RAB3IL1: variants seen among roughly 807,000 people sequenced by gnomAD.
RAB3IL1 encodes the protein RAB3A interacting protein like 1.
Under a neutral mutation model 49.2 loss-of-function variants are expected in RAB3IL1, and 37 were observed. That is an observed-to-expected ratio of 0.75 (90% CI 0.58 to 0.99). RAB3IL1 has a LOEUF of 0.99. RAB3IL1 is among the 50% of genes least tolerant of loss of function. RAB3IL1 has a pLI of 0.00. For missense variants in RAB3IL1, 484 were observed against 513.0 expected (o/e 0.94, Z 0.55); for synonymous variants, 193 against 213.9 (o/e 0.90, Z 0.85).
At chr11:61,923,500 A>G (rs1939948923), upstream of RAB3IL1, among the ~76,000 whole-genome samples, 2 of 152,318 alleles carry the variant, frequency 1.3e-5, no homozygotes, top group East Asian at 3.9e-4. Context: ...GGCTCAAGGC[A>G]GCCACGCACA....
the RAB3IL1 span, among the ~76,000 whole-genome samples, chr11:61,944,220 CTCCTTCCTTCCT>C: frequency 3.0e-4 from 11 of 36,996 alleles, no homozygotes; most frequent in Non-Finnish European, 8.2e-4. Flanking sequence ...CCTTCCTTCC[CTCCTTCCTTCCT>C]TCCTTCCTTC....
rs1938721188 is a variant in RAB3IL1, at chr11:61,898,391, G to A, written c.1067-31C>T. 1.3e-6 allele frequency: 2 copies of A among 1,599,414 alleles called. No homozygotes were observed. The highest frequency in any genetic ancestry group is 1.7e-6 in the Non-Finnish European group (2 of 1,168,580). On this transcript the variant is annotated intron_variant, in intron 9 of 9. Transcript: ENST00000394836. This position sits in a 1 kb window ranked among gnomAD's most constrained non-coding sequence, Gnocchi z 5.1. ...GGCAGAGAGAGGGTGAACAGGTCGGGGACAGCTCAGGGTCACCTCGGGCAG... is the reference window on the plus strand; with the variant it reads ...GGCAGAGAGAGGGTGAACAGGTCGGAGACAGCTCAGGGTCACCTCGGGCAG...
the RAB3IL1 span, among the ~76,000 whole-genome samples, chr11:61,931,203 G>A: frequency 6.6e-6 from 1 of 152,198 alleles, no homozygotes; most frequent in Admixed American, 6.5e-5. Flanking sequence ...GCATAACACT[G>A]GAGATTTATT....
chr11:61,916,482 A>C (rs1939694055), intron 1 of RAB3IL1, among the ~76,000 whole-genome samples: 1 of 134,184 alleles, frequency 7.5e-6, no homozygotes, highest in Non-Finnish European at 1.6e-5. Context: ...CCATGGAGTG[A>C]AGTGGATCCT....
At chr11:61,899,553 C>G in intron 8 of RAB3IL1, 173 bp from the exon 9 acceptor site, 1 of 603,258 alleles carries the variant, frequency 1.7e-6, no homozygotes, top group Non-Finnish European at 3.0e-6. Context: ...ATGACTAGCC[C>G]TGCTGTAATA....
chr11:61,930,959 G>A, the RAB3IL1 span, among the ~76,000 whole-genome samples: 1 of 152,088 alleles, frequency 6.6e-6, no homozygotes, highest in Non-Finnish European at 1.5e-5. Context: ...AATAATTAAA[G>A]CTACAGGGGA....
At chr11:61,920,456 G>A (rs910329533), upstream of RAB3IL1, among the ~76,000 whole-genome samples, 5 of 142,508 alleles carry the variant, frequency 3.5e-5, no homozygotes, top group African/African-American at 1.0e-4. Flanking sequence ...CACCTCTAGG[G>A]GAGGCCCCGT....
At chr11:61,900,902 T>G (rs1382783926) in intron 8 of RAB3IL1, among the ~76,000 whole-genome samples, 1 of 151,970 alleles carries the variant, frequency 6.6e-6, no homozygotes, top group Non-Finnish European at 1.5e-5. Flanking sequence ...AAAGCGGTGA[T>G]GGAGATAAGT....
upstream of RAB3IL1, chr11:61,920,019 A>G (rs1939857729): frequency 3.2e-6 from 4 of 1,240,794 alleles, no homozygotes; most frequent in Non-Finnish European, 4.0e-6. Flanking sequence ...CCTCCCCTCC[A>G]TGCCCCAGGT....
At chr11:61,937,750 A>T in the RAB3IL1 span, 1 of 152,244 alleles carries the variant, frequency 6.6e-6, no homozygotes, top group African/African-American at 2.4e-5. Flanking sequence ...GGAACAAAAA[A>T]ACAAAAATAT....
chr11:61,936,488 G>A, the RAB3IL1 span, among the ~76,000 whole-genome samples: 3 of 152,094 alleles, frequency 2.0e-5, no homozygotes, highest in Non-Finnish European at 4.4e-5. Context: ...TGTAACATCT[G>A]CCTCCTCCGT....
At chr11:61,940,381 C>T in the RAB3IL1 span, among the ~76,000 whole-genome samples, 1 of 150,972 alleles carries the variant, frequency 6.6e-6, no homozygotes, top group Admixed American at 6.6e-5. Context: ...GTGGAGGTTG[C>T]GGTGAGCCGA....
At chr11:61,916,854 C>G (rs1939713005) in intron 1 of RAB3IL1, among the ~76,000 whole-genome samples, 1 of 152,034 alleles carries the variant, frequency 6.6e-6, no homozygotes, top group Non-Finnish European at 1.5e-5. Flanking sequence ...GGGGGGGTTC[C>G]CACTCCACAC....
chr11:61,921,362 T>G (rs894968289), upstream of RAB3IL1, among the ~76,000 whole-genome samples: 8 of 152,160 alleles, frequency 5.3e-5, no homozygotes, highest in Non-Finnish European at 8.8e-5. Flanking sequence ...TCTCCAACTA[T>G]GAAATGGATT....
At chr11:61,911,665 G>C (rs564437707) in intron 1 of RAB3IL1, among the ~76,000 whole-genome samples, 2 of 152,302 alleles carry the variant, frequency 1.3e-5, no homozygotes, top group East Asian at 3.9e-4. Context: ...TGCAGAAACA[G>C]AGCCCAGCAT....
At chr11:61,907,279 C>T in intron 4 of RAB3IL1, 114 bp downstream of exon 4, 2 of 1,123,738 alleles carry the variant, frequency 1.8e-6, no homozygotes, top group Non-Finnish European at 2.6e-6. Flanking sequence ...CCCATTCCTG[C>T]TGGCCCCACC....
chr11:61,934,446 GTATGTATATATATATATATATATA>G, the RAB3IL1 span, among the ~76,000 whole-genome samples: 15 of 24,406 alleles, frequency 6.1e-4, 1 homozygote, highest in African/African-American at 1.2e-3. Context: ...GTGTGTGTGT[GTATGTATATATATATATATATATA>G]TATATATATA....
intron 7 of RAB3IL1, among the ~76,000 whole-genome samples, chr11:61,903,801 A>C (rs1372669398): frequency 6.6e-6 from 1 of 152,128 alleles, no homozygotes; most frequent in Non-Finnish European, 1.5e-5. Flanking sequence ...CTGGGATTAC[A>C]GGTGTGAGCC....
intron 1 of RAB3IL1, 29 bp downstream of exon 1, chr11:61,917,328 C>A (rs1939739877): frequency 7.6e-7 from 1 of 1,319,744 alleles, no homozygotes; most frequent in South Asian, 2.0e-5. Context: ...CCAGACCCAG[C>A]GCGGGACCGC....
Sources: allele counts gnomAD v4.1 joint callset (sites outside exome capture counted in the v4.1 genomes callset), GRCh38; gene constraint gnomAD v4.1.1; non-coding constraint Gnocchi (gnomAD v3.1); transcripts MANE v1.5; gene names NCBI Gene and HGNC (gene_info 2026-07-23, HGNC 2026-07-21).